SYNJ1: variants seen among roughly 807,000 people sequenced by gnomAD.
SYNJ1 encodes the protein synaptojanin 1, also known as polyphosphatidylinositol phosphatase SYNJ1.
In SYNJ1, 78 loss-of-function variants were observed where a neutral mutation model predicts 168.2. The ratio of observed to expected loss-of-function variants is 0.46; its 90% CI spans 0.39 to 0.56. The LOEUF (loss-of-function observed/expected upper bound fraction) is 0.56, where lower values mean the gene tolerates loss of function less well. SYNJ1 is among the 20% of genes least tolerant of loss of function. SYNJ1 has a pLI of 0.00. For missense variants in SYNJ1, 1,303 were observed against 1,597.6 expected (o/e 0.82, Z 3.14); for synonymous variants, 539 against 548.6 (o/e 0.98, Z 0.24).
In SYNJ1 at chr21:32,681,500, G is replaced by C; in HGVS notation, c.1349C>G (p.Ala450Gly). ...TTATGATAGATCTAGATATACCTTC[G>C]CTTTCCCTTCAAGAGCTCCAGTTCC... The part of the protein sequence containing the change: ...YAGTGALEGK[A>G]KLKDGARSVT... Residue 450 changes from alanine to glycine, a missense_variant, in exon 11 of 33, where the codon GCG becomes GGG. This residue lies in a region of SYNJ1 where 920 missense variants were observed against 1,208.8 expected (regional missense o/e 0.76). Coordinates refer to ENST00000674351, the MANE Select transcript of SYNJ1 (RefSeq NM_203446.3). 1 of 1,611,302 alleles carries C rather than the reference G, an allele frequency of 6.2e-7. No homozygotes were observed. The highest frequency in any genetic ancestry group is 1.3e-5 in the African/African-American group (1 of 74,954).
At chr21:32,638,326 A>G (rs2039671028) in intron 31 of SYNJ1, among the ~76,000 whole-genome samples, 1 of 152,198 alleles carries the variant, frequency 6.6e-6, no homozygotes, top group Non-Finnish European at 1.5e-5. Context: ...TCAGCCTTCC[A>G]AAGTGTTAGG....
chr21:32,720,360 T>G (rs918922465), intron 2 of SYNJ1, among the ~76,000 whole-genome samples: 1 of 152,228 alleles, frequency 6.6e-6, no homozygotes, highest in Non-Finnish European at 1.5e-5. Flanking sequence ...CAGTAAGTGG[T>G]AGCCATTATC....
chr21:32,650,209 C>T lies in SYNJ1; in HGVS notation c.3012G>A (p.Glu1004=). 6.2e-7 allele frequency: 1 copy of T among 1,608,806 alleles called. No individual in the cohort carries two copies. The highest frequency in any genetic ancestry group is 8.5e-7 in the Non-Finnish European group (1 of 1,178,534). Reference sequence around the variant, plus strand: ...CTTCCATATCAAAATCTGCTGCAACCTCTGCATCTTCACCAAGCAGGGTAG... The same window carrying T: ...CTTCCATATCAAAATCTGCTGCAACTTCTGCATCTTCACCAAGCAGGGTAG... ...TSSTLLGEDA[E]VAADFDMEGD... Residue 1004 remains glutamate, a synonymous_variant, in exon 23 of 33, where the codon GAG becomes GAA. Transcript: ENST00000674351.
intron 32 of SYNJ1, 26 bp downstream of exon 32, chr21:32,634,835 T>C (rs1332477733): frequency 3.7e-6 from 6 of 1,612,454 alleles, no homozygotes; most frequent in Middle Eastern, 1.6e-4. Flanking sequence ...TGAAAACACA[T>C]GTAAGATTGA....
At chr21:32,635,658 A>G (rs2039535071) in intron 31 of SYNJ1, among the ~76,000 whole-genome samples, 2 of 152,202 alleles carry the variant, frequency 1.3e-5, no homozygotes, top group Non-Finnish European at 2.9e-5. Context: ...ATGGTACAAA[A>G]TGGTACCATT....
intron 2 of SYNJ1, among the ~76,000 whole-genome samples, chr21:32,704,431 T>G (rs1208623513): frequency 1.3e-5 from 2 of 152,194 alleles, no homozygotes; most frequent in East Asian, 1.9e-4. Flanking sequence ...TTTCCCTACT[T>G]TACGATATAT....
At position 32,631,065 on chromosome 21, in the gene SYNJ1, C is replaced by T. The variant is rs752303366; in HGVS notation, c.*740G>A. On this transcript the variant is annotated 3_prime_UTR_variant, in exon 33 of 33. Coordinates refer to ENST00000674351, the MANE Select transcript of SYNJ1 (RefSeq NM_203446.3). Reference sequence around the variant, plus strand: ...GGTCGTGAAAGGATCTACTGGAGGGCTGGTGCCGGGCGGGAGCAGAGGGAC... The same window carrying T: ...GGTCGTGAAAGGATCTACTGGAGGGTTGGTGCCGGGCGGGAGCAGAGGGAC... 1 of 1,614,150 alleles carries T rather than the reference C, an allele frequency of 6.2e-7. No homozygotes were observed. The highest frequency in any genetic ancestry group is 1.7e-5 in the Admixed American group (1 of 60,026).
Position 32,685,730 on chromosome 21 carries a change from G to T in SYNJ1, c.1118+18C>A. On this transcript the variant is annotated intron_variant, in intron 9 of 32. Coordinates refer to ENST00000674351, the MANE Select transcript of SYNJ1 (RefSeq NM_203446.3). ...TTAATGTTCCAATTCAAAGAACAGAGAAACAGAACAGTCAAACCTTTGAAC... is the reference window on the plus strand; with the variant it reads ...TTAATGTTCCAATTCAAAGAACAGATAAACAGAACAGTCAAACCTTTGAAC... 2 of 1,528,612 alleles carry T rather than the reference G, an allele frequency of 1.3e-6. No individual in the cohort carries two copies. Among genetic ancestry groups the T allele is most frequent in the Non-Finnish European group, 1.7e-6 (2 of 1,143,242 alleles). 94.7% of individuals were successfully genotyped at this position (1,528,612 alleles called of 1,614,324 possible). A position where few individuals can be genotyped will look rare whatever the true frequency, so the allele number is the denominator to read the frequency against.
At chr21:32,656,257 C>A (rs1196181717) in intron 21 of SYNJ1, among the ~76,000 whole-genome samples, 1 of 152,108 alleles carries the variant, frequency 6.6e-6, no homozygotes, top group Non-Finnish European at 1.5e-5. Context: ...CATGGTGAAA[C>A]CCTGCCTCTA....
chr21:32,709,640 C>T (rs998093331), intron 2 of SYNJ1, among the ~76,000 whole-genome samples: 5 of 151,386 alleles, frequency 3.3e-5, no homozygotes, highest in Non-Finnish European at 7.4e-5. Flanking sequence ...GCCTCAGCCT[C>T]TCGAGTAGCT....
At chr21:32,661,898 A>G (rs2145890740) in intron 18 of SYNJ1, among the ~76,000 whole-genome samples, 1 of 152,058 alleles carries the variant, frequency 6.6e-6, no homozygotes, top group East Asian at 1.9e-4. Flanking sequence ...TACACAAACA[A>G]TCTCAACTTG....
chr21:32,666,112 TTC>T lies in SYNJ1; in HGVS notation c.1974_1975del (p.Lys659AspfsTer10). Reference sequence around the variant, plus strand: ...TCCAGTTGCACCTCCCATTCCAGTCTTCACAGTATCAACTGCAACATCCCTTT... The same window carrying T: ...TCCAGTTGCACCTCCCATTCCAGTCTACAGTATCAACTGCAACATCCCTTT... On this transcript the variant is annotated frameshift_variant, in exon 17 of 33. Transcript: ENST00000674351. LOFTEE classifies it high-confidence loss of function. The T allele has an allele frequency of 6.2e-7, 1 of 1,605,392 alleles. No homozygotes were observed. Among genetic ancestry groups the T allele is most frequent in the Non-Finnish European group, 8.5e-7 (1 of 1,177,376 alleles).
intron 13 of SYNJ1, among the ~76,000 whole-genome samples, chr21:32,674,865 T>G (rs762793380): frequency 6.6e-6 from 1 of 152,160 alleles, no homozygotes; most frequent in Non-Finnish European, 1.5e-5. Context: ...GAAATGAGAG[T>G]GAAAAAGGCG....
At chr21:32,646,259 C>T in intron 24 of SYNJ1, 134 bp downstream of exon 24, 1 of 848,022 alleles carries the variant, frequency 1.2e-6, no homozygotes, top group Non-Finnish European at 1.9e-6. Context: ...TTATCATCTA[C>T]AAGTTTTCCT....
intron 3 of SYNJ1, among the ~76,000 whole-genome samples, chr21:32,701,466 G>T (rs916550434): frequency 6.7e-6 from 1 of 150,286 alleles, no homozygotes; most frequent in African/African-American, 2.5e-5. Flanking sequence ...CAATGTTGAA[G>T]AACACTTTGA....
At chr21:32,724,998 T>C (rs1166829893) in intron 2 of SYNJ1, among the ~76,000 whole-genome samples, 1 of 152,250 alleles carries the variant, frequency 6.6e-6, no homozygotes, top group Non-Finnish European at 1.5e-5. Context: ...ATAAATGTTT[T>C]AGGGCCTTTT....
intron 6 of SYNJ1, among the ~76,000 whole-genome samples, chr21:32,688,992 T>C (rs1186952708): frequency 6.6e-6 from 1 of 152,218 alleles, no homozygotes; most frequent in South Asian, 2.1e-4. Context: ...ATTATAGTAT[T>C]TGCACATTTT....
At chr21:32,681,976 TA>T (rs1601405092) in intron 10 of SYNJ1, among the ~76,000 whole-genome samples, 1 of 151,866 alleles carries the variant, frequency 6.6e-6, no homozygotes. Flanking sequence ...TGCATTAGAA[TA>T]AAAAAAAGTT....
chr21:32,700,242 A>C (rs1443682940), intron 3 of SYNJ1, 137 bp from the exon 4 acceptor site: 1 of 999,576 alleles, frequency 1.0e-6, no homozygotes, highest in Non-Finnish European at 1.4e-6. Context: ...AATTCACTAG[A>C]CATTTTAGTT....
Sources: allele counts gnomAD v4.1 joint callset (sites outside exome capture counted in the v4.1 genomes callset), GRCh38; gene constraint gnomAD v4.1.1; regional missense constraint gnomAD v4.1.1; transcripts MANE v1.5; gene names NCBI Gene and HGNC (gene_info 2026-07-23, HGNC 2026-07-21).